ZNF423: variants seen among roughly 807,000 people sequenced by gnomAD.
ZNF423 encodes zinc finger protein 423.
A neutral mutation model predicts 95.8 loss-of-function variants in ZNF423; 12 were observed. The ratio of observed to expected loss-of-function variants is 0.13; its 90% confidence interval spans 0.08 to 0.20. ZNF423 has a LOEUF of 0.20. ZNF423 is among the 10% of genes least tolerant of loss of function. The probability of loss-of-function intolerance (pLI) is 1.00; values close to 1 mark genes in which losing one functional copy is unlikely to be tolerated. For synonymous variants in ZNF423, 749 were observed against 711.9 expected, an observed-to-expected ratio of 1.05 and a Z score of -0.83; for missense variants, 1,316 against 1,737.1, an observed-to-expected ratio of 0.76 and a Z score of 4.31.
intron 7 of ZNF423, among the ~76,000 whole-genome samples, chr16:49,496,128 C>T (rs781544595): frequency 6.6e-6 from 1 of 152,222 alleles, no homozygotes; most frequent in Non-Finnish European, 1.5e-5. Context: ...TCAAGGTGGG[C>T]AGGAAGCTTT....
At chr16:49,657,519 G>A (rs992900332) in intron 3 of ZNF423, among the ~76,000 whole-genome samples, 1 of 152,250 alleles carries the variant, frequency 6.6e-6, no homozygotes, top group Non-Finnish European at 1.5e-5. Flanking sequence ...GTGTCTGCCT[G>A]TCTCAAGTCT....
chr16:49,626,047 T>C, intron 5 of ZNF423, 123 bp downstream of exon 5: 1 of 921,170 alleles, frequency 1.1e-6, no homozygotes, highest in East Asian at 2.5e-5. Context: ...ATGTGCAATG[T>C]CTCAGAAACA....
At chr16:49,724,465 T>A (rs1349709144) in intron 3 of ZNF423, among the ~76,000 whole-genome samples, 3 of 152,210 alleles carry the variant, frequency 2.0e-5, no homozygotes, top group Non-Finnish European at 4.4e-5. Flanking sequence ...GTGTATCAGG[T>A]AGCACAGTGT....
chr16:49,793,130 T>C (rs1016287542), intron 1 of ZNF423, among the ~76,000 whole-genome samples: 1 of 151,814 alleles, frequency 6.6e-6, no homozygotes, highest in Non-Finnish European at 1.5e-5. Context: ...TAAGGCCCTG[T>C]GCTACCCAGC....
chr16:49,824,351 C>A (rs1191450200), intron 1 of ZNF423, among the ~76,000 whole-genome samples: 1 of 152,068 alleles, frequency 6.6e-6, no homozygotes, highest in Non-Finnish European at 1.5e-5. Flanking sequence ...AAGGTACAGG[C>A]CCATGGTTCC....
chr16:49,531,535 C>G (rs1221919804), intron 5 of ZNF423, among the ~76,000 whole-genome samples: 1 of 152,030 alleles, frequency 6.6e-6, no homozygotes. Context: ...GAGACTCTGT[C>G]CTTTGTTTCC....
At chr16:49,685,366 C>T (rs571519052) in intron 3 of ZNF423, among the ~76,000 whole-genome samples, 1 of 152,186 alleles carries the variant, frequency 6.6e-6, no homozygotes, top group Non-Finnish European at 1.5e-5. Context: ...AATGGAGGTT[C>T]CTGCTCACAT....
At chr16:49,700,901 G>A (rs12932106) in intron 3 of ZNF423, among the ~76,000 whole-genome samples, 1 of 152,120 alleles carries the variant, frequency 6.6e-6, no homozygotes, top group Non-Finnish European at 1.5e-5. Flanking sequence ...GAGGAGGCAG[G>A]AGAAAGGAGG....
At chr16:49,612,305 A>G (rs1000106742) in intron 5 of ZNF423, among the ~76,000 whole-genome samples, 1 of 151,978 alleles carries the variant, frequency 6.6e-6, no homozygotes, top group Non-Finnish European at 1.5e-5. Flanking sequence ...TGAGATATAT[A>G]TATATCAAGG....
chr16:49,796,035 A>G (rs982023637), intron 1 of ZNF423, among the ~76,000 whole-genome samples: 6 of 152,212 alleles, frequency 3.9e-5, no homozygotes, highest in African/African-American at 1.4e-4. Flanking sequence ...GTGCATTAAG[A>G]AGGATTCTGG....
rs181351102 is a variant in ZNF423 at position 49,583,099 on chromosome 16, C to T, written c.3601+43071G>A. Among the ~76,000 whole-genome samples, 26 of 152,334 alleles carry T rather than the reference C, an allele frequency of 1.7e-4. No homozygotes were observed. In the East Asian group the frequency reaches 1.7e-3, roughly 10 times the overall value. ...AGGAAAGGCCAGCCAAGAAGAACCA[C>T]GATGAGACCTCAGAGGCCACCTATG... is the stretch of plus-strand genomic sequence containing the variant. On this transcript the variant is annotated intron_variant, in intron 5 of 7. Transcript: ENST00000563137.
rs546230866 is a variant in ZNF423 at position 49,660,640 on chromosome 16, C to T, written c.302-21766G>A. On this transcript the variant is annotated intron_variant, in intron 3 of 7. Transcript: ENST00000563137. Reference sequence around the variant, plus strand: ...CTCTCATTATGGCAGAATGCAATTACTCCAGTCTTCAGTGGGGTCTGAATT... The same window carrying T: ...CTCTCATTATGGCAGAATGCAATTATTCCAGTCTTCAGTGGGGTCTGAATT... 2.0e-5 allele frequency among the ~76,000 whole-genome samples: 3 copies of T among 152,284 alleles called. No homozygotes were observed. The South Asian group carries it at 6.2e-4, about 32-fold the overall frequency.
At chr16:49,752,894 G>A (rs1330001224) in intron 2 of ZNF423, among the ~76,000 whole-genome samples, 1 of 152,190 alleles carries the variant, frequency 6.6e-6, no homozygotes. Context: ...GTCCTGGGCT[G>A]GGAACACAGC....
At chr16:49,762,477 G>A (rs1259262541) in intron 2 of ZNF423, among the ~76,000 whole-genome samples, 1 of 152,228 alleles carries the variant, frequency 6.6e-6, no homozygotes, top group African/African-American at 2.4e-5. Flanking sequence ...TGTGAGGCTG[G>A]TGAGCCAGGA....
intron 3 of ZNF423, among the ~76,000 whole-genome samples, chr16:49,681,778 C>A (rs2031368160): frequency 6.6e-6 from 1 of 151,906 alleles, no homozygotes; most frequent in Admixed American, 6.5e-5. Context: ...TTTTCTTTTT[C>A]TTTTTAAGAC....
intron 4 of ZNF423, among the ~76,000 whole-genome samples, chr16:49,628,145 T>C (rs1438422243): frequency 6.8e-6 from 1 of 147,412 alleles, no homozygotes; most frequent in East Asian, 2.1e-4. Flanking sequence ...CCATCGTCCA[T>C]CTACCCATCC....
At chr16:49,500,637 C>A (rs1198087031) in intron 7 of ZNF423, among the ~76,000 whole-genome samples, 1 of 152,048 alleles carries the variant, frequency 6.6e-6, no homozygotes, top group Non-Finnish European at 1.5e-5. Flanking sequence ...GGCACTGGAG[C>A]TGGGTGAGTG....
At chr16:49,677,850 A>G (rs996300740) in intron 3 of ZNF423, among the ~76,000 whole-genome samples, 1 of 152,154 alleles carries the variant, frequency 6.6e-6, no homozygotes, top group Admixed American at 6.5e-5. Context: ...TGAATTTCAT[A>G]CATTCCATTA....
chr16:49,642,805 T>TC (rs1406100759), intron 3 of ZNF423, among the ~76,000 whole-genome samples: 1 of 77,312 alleles, frequency 1.3e-5, no homozygotes, highest in African/African-American at 7.6e-5. Context: ...TCTTTTCTTT[T>TC]TTTTTTTTTT....
Sources: gnomAD v4.1 joint callset for allele counts (sites outside exome capture counted in the v4.1 genomes callset) on GRCh38, gnomAD v4.1.1 for gene constraint, MANE v1.5 for transcripts, NCBI Gene and HGNC (gene_info 2026-07-23, HGNC 2026-07-21) for gene names.